The following SEMA3E variants were observed in gnomAD, a reference collection of about 807,000 sequenced individuals.
The protein encoded by SEMA3E is semaphorin-3E.
A neutral mutation model predicts 93.6 loss-of-function variants in SEMA3E; 49 were observed. The observed-to-expected ratio is 0.52, with a 90% CI of 0.42 to 0.66. The LOEUF (loss-of-function observed/expected upper bound fraction) is 0.66, where lower values mean the gene tolerates loss of function less well. Among genes scored for constraint, SEMA3E ranks in the 30% least tolerant of loss-of-function variants. The probability of loss-of-function intolerance (pLI) is 0.00; values close to 1 mark genes in which losing one functional copy is unlikely to be tolerated. For synonymous variants in SEMA3E, 363 were observed against 330.7 expected, an observed-to-expected ratio of 1.10 and a Z score of -1.06; for missense variants, 906 against 964.8, an observed-to-expected ratio of 0.94 and a Z score of 0.81.
At chr7:83,542,214 T>A (rs1442515730) in intron 1 of SEMA3E, among the ~76,000 whole-genome samples, 1 of 151,130 alleles carries the variant, frequency 6.6e-6, no homozygotes, top group Non-Finnish European at 1.5e-5. Context: ...TAGCCAGGCA[T>A]GGTGGCACAC....
intron 1 of SEMA3E, 49 bp downstream of exon 1, chr7:83,648,379 T>G: frequency 7.1e-7 from 1 of 1,402,256 alleles, no homozygotes; most frequent in Non-Finnish European, 1.0e-6. Context: ...TCTTTTTTCT[T>G]TTTCTTTTTT....
At chr7:83,453,933 A>C (rs572747402) in intron 4 of SEMA3E, among the ~76,000 whole-genome samples, 1 of 83,094 alleles carries the variant, frequency 1.2e-5, no homozygotes, top group Non-Finnish European at 3.0e-5. Context: ...TAAAATGGTT[A>C]TCTTTAATAT....
intron 1 of SEMA3E, among the ~76,000 whole-genome samples, chr7:83,592,471 C>T (rs1351914491): frequency 0.022 from 10 of 448 alleles, no homozygotes; most frequent in Non-Finnish European, 0.034. Context: ...ATTGTTTTTC[C>T]ACCTACCTCT....
intron 5 of SEMA3E, among the ~76,000 whole-genome samples, chr7:83,413,282 T>A (rs1788480659): frequency 6.6e-6 from 1 of 150,854 alleles, no homozygotes; most frequent in Non-Finnish European, 1.5e-5. Context: ...CAAGAAAAAT[T>A]CACAGTAGTG....
intron 1 of SEMA3E, among the ~76,000 whole-genome samples, chr7:83,587,401 T>A (rs142250901): frequency 3.3e-5 from 5 of 152,152 alleles, no homozygotes; most frequent in African/African-American, 1.2e-4. Flanking sequence ...ACAGAGCATA[T>A]GGATAAGCGT....
At chr7:83,544,112 G>A (rs1209702624) in intron 1 of SEMA3E, among the ~76,000 whole-genome samples, 1 of 152,016 alleles carries the variant, frequency 6.6e-6, no homozygotes, top group Non-Finnish European at 1.5e-5. Flanking sequence ...CCTGAAACAT[G>A]TTGGAAATAG....
rs571311647 is a variant in SEMA3E, at chr7:83,615,180, G to C, written c.115+33248C>G. On this transcript the variant is annotated intron_variant, in intron 1 of 16. Coordinates refer to ENST00000643230, the MANE Select transcript of SEMA3E (RefSeq NM_012431.3). ...TCTCTGTGTCCAGCACTGTTCAAAG[G>C]GTTTCTGGGGCAACTTTATACCTTA... 7.2e-4 allele frequency among the ~76,000 whole-genome samples: 110 copies of C among 152,090 alleles called. No homozygotes were observed. In the South Asian group the frequency reaches 0.012, roughly 16 times the overall value.
chr7:83,466,566 G>C lies in SEMA3E; in HGVS notation c.372C>G (p.His124Gln), dbSNP rs1283752819. Reference sequence around the variant, plus strand: ...AGGTCAGAAGGTGTGTCCTGTTATAGTGATGCAAAACCCGAACATAATTTG... The same window carrying C: ...AGGTCAGAAGGTGTGTCCTGTTATACTGATGCAAAACCCGAACATAATTTG... ...ECANYVRVLH[H>Q]YNRTHLLTCG... The change falls in exon 4 of 17, where the codon CAC becomes CAG. Residue 124 changes from histidine (H) to glutamine (Q), a missense_variant. By Grantham distance (24) the His-to-Gln change is conservative. Transcript: ENST00000643230. 6.2e-7 allele frequency: 1 copy of C among 1,613,932 alleles called. No homozygotes were observed. The highest frequency in any genetic ancestry group is 1.1e-5 in the South Asian group (1 of 91,080).
At chr7:83,406,502 G>A (rs1013158815) in intron 7 of SEMA3E, among the ~76,000 whole-genome samples, 1 of 151,568 alleles carries the variant, frequency 6.6e-6, no homozygotes, top group Admixed American at 6.6e-5. Flanking sequence ...TACTATATAT[G>A]TATATAAATA....
At chr7:83,635,801 C>A (rs1274828896) in intron 1 of SEMA3E, among the ~76,000 whole-genome samples, 1 of 149,862 alleles carries the variant, frequency 6.7e-6, no homozygotes, top group South Asian at 2.1e-4. Context: ...ATGTTACTAC[C>A]AATAGCTGTG....
intron 1 of SEMA3E, among the ~76,000 whole-genome samples, chr7:83,572,364 G>A (rs1792304031): frequency 6.6e-6 from 1 of 152,120 alleles, no homozygotes; most frequent in African/African-American, 2.4e-5. Flanking sequence ...CATGGTCCTG[G>A]TACAAAAACG....
intron 1 of SEMA3E, among the ~76,000 whole-genome samples, chr7:83,525,785 T>G (rs13308146): frequency 5.1e-3 from 22 of 4,318 alleles, no homozygotes; most frequent in South Asian, 0.029. Context: ...TTTGTTTGGG[T>G]TTTTTTTTTT....
intron 1 of SEMA3E, among the ~76,000 whole-genome samples, chr7:83,516,123 T>C (rs953839274): frequency 1.3e-5 from 2 of 152,172 alleles, no homozygotes. Context: ...TAAATTGACA[T>C]TTTTGTATAG....
At chr7:83,435,651 TTTAA>T (rs1562781744) in intron 4 of SEMA3E, among the ~76,000 whole-genome samples, 1 of 151,978 alleles carries the variant, frequency 6.6e-6, no homozygotes, top group East Asian at 1.9e-4. Context: ...ACAGAAACTA[TTTAA>T]TTTTTAATTT....
At chr7:83,467,374 T>A (rs1025935598) in intron 3 of SEMA3E, among the ~76,000 whole-genome samples, 2 of 152,196 alleles carry the variant, frequency 1.3e-5, no homozygotes, top group African/African-American at 4.8e-5. Flanking sequence ...TTTTGGAAAG[T>A]AAGTCTTATA....
At chr7:83,502,280 G>C (rs912943790) in intron 1 of SEMA3E, among the ~76,000 whole-genome samples, 1 of 152,108 alleles carries the variant, frequency 6.6e-6, no homozygotes, top group African/African-American at 2.4e-5. Flanking sequence ...CCTCACAGTA[G>C]CCAGAGTGAT....
At position 83,484,086 on chromosome 7, in the gene SEMA3E, C is replaced by G. The variant is rs146533511; in HGVS notation, c.276+6028G>C. The stretch of plus-strand genomic sequence containing the variant: ...AAATCCCTGCAACTTCAATCTTTCT[C>G]TCCCCATTTTCCTTTACCTTCTTGC... On this transcript the variant is annotated intron_variant, in intron 2 of 16. Transcript: ENST00000643230. 6.8e-4 allele frequency among the ~76,000 whole-genome samples: 103 copies of G among 152,278 alleles called. 1 individual carries two copies. Among genetic ancestry groups the G allele is most frequent in the African/African-American group, 2.3e-3 (94 of 41,558 alleles).
intron 1 of SEMA3E, among the ~76,000 whole-genome samples, chr7:83,498,129 A>G (rs1163686480): frequency 6.6e-6 from 1 of 152,104 alleles, no homozygotes; most frequent in Non-Finnish European, 1.5e-5. Context: ...TTTGATTGTA[A>G]CAATACAGTA....
chr7:83,542,996 T>C (rs544840985), intron 1 of SEMA3E, among the ~76,000 whole-genome samples: 117 of 92,834 alleles, frequency 1.3e-3, no homozygotes, highest in Non-Finnish European at 5.7e-4. Context: ...ATGTACAGAC[T>C]AAAAAAAGTT....
Sources: allele counts gnomAD v4.1 joint callset (sites outside exome capture counted in the v4.1 genomes callset), GRCh38; gene constraint gnomAD v4.1.1; transcripts MANE v1.5; gene names NCBI Gene and HGNC (gene_info 2026-07-23, HGNC 2026-07-21).